Variants in FYB1 observed in about 807,000 individuals in gnomAD.
The protein encoded by FYB1 is FYN binding protein 1, also known as FYN-binding protein 1.
In FYB1, 41 loss-of-function variants were observed where a neutral mutation model predicts 94.1. The ratio of observed to expected loss-of-function variants is 0.44; its 90% CI spans 0.34 to 0.57. The LOEUF (loss-of-function observed/expected upper bound fraction) is 0.57. Ranked by LOEUF, FYB1 falls within the 20% of genes least tolerant of loss-of-function variation. The pLI, the probability that FYB1 is intolerant of heterozygous loss-of-function variation, is 0.02. For synonymous variants in FYB1, 367 were observed against 353.2 expected (o/e 1.04, Z -0.44); for missense variants, 1,050 against 976.8 (o/e 1.07, Z -1.00).
intron 1 of FYB1, among the ~76,000 whole-genome samples, chr5:39,205,154 G>T (rs1263397299): frequency 6.6e-6 from 1 of 152,166 alleles, no homozygotes; most frequent in Non-Finnish European, 1.5e-5. Flanking sequence ...AAGGAAGTCT[G>T]TCTCTGTGGA....
intron 1 of FYB1, among the ~76,000 whole-genome samples, chr5:39,225,754 C>A (rs553719501): frequency 1.3e-5 from 2 of 152,310 alleles, no homozygotes; most frequent in African/African-American, 4.8e-5. Flanking sequence ...GTCTTGAACA[C>A]TCCTCCTGAG....
rs1743466871 is a variant in FYB1 at position 39,153,675 on chromosome 5, T to C, written c.1136-71A>G. 22 of 1,440,844 alleles carry C rather than the reference T, an allele frequency of 1.5e-5. 1 individual carries two copies. The South Asian group carries it at 2.9e-4, about 19-fold the overall frequency. 89.3% of individuals were successfully genotyped at this position (1,440,844 alleles called of 1,614,324 possible). A position where few individuals can be genotyped will look rare whatever the true frequency, so the allele number is the denominator to read the frequency against. On this transcript the variant is annotated intron_variant, in intron 2 of 18. Coordinates refer to ENST00000512982, the MANE Select transcript of FYB1 (RefSeq NM_001465.6). ...AAAAGAAGATTGTTAATTGCAAACA[T>C]AGTTGGCTACAGATAAAATAATTTG...
intron 1 of FYB1, among the ~76,000 whole-genome samples, chr5:39,229,477 C>G (rs1023404459): frequency 5.3e-5 from 8 of 152,126 alleles, no homozygotes; most frequent in African/African-American, 1.9e-4. Context: ...AGTTGAAACT[C>G]TAAACTCCTT....
In FYB1 at chr5:39,159,611, T is replaced by C. The variant is rs138816594; in HGVS notation, c.1136-6007A>G. Among the ~76,000 whole-genome samples the C allele has an allele frequency of 1.1e-4, 17 of 152,344 alleles. No individual in the cohort carries two copies. The East Asian group carries it at 3.3e-3, about 29-fold the overall frequency. ...CTTACCTCTTATTTTACTAAGAACA[T>C]GGAGAATGCCCCATCTGACTATCTC... On this transcript the variant is annotated intron_variant, in intron 2 of 18. Transcript: ENST00000512982.
intron 1 of FYB1, among the ~76,000 whole-genome samples, chr5:39,241,900 C>A (rs1751227360): frequency 6.6e-6 from 1 of 151,188 alleles, no homozygotes; most frequent in Non-Finnish European, 1.5e-5. Flanking sequence ...ATTTAAGGTA[C>A]AAGTCTCTTG....
intron 1 of FYB1, among the ~76,000 whole-genome samples, chr5:39,226,069 G>A (rs567978770): frequency 1.3e-5 from 2 of 152,252 alleles, no homozygotes; most frequent in East Asian, 3.9e-4. Context: ...AACCACATAA[G>A]AGACATTTTC....
chr5:39,250,302 G>A (rs1172752010), intron 1 of FYB1, among the ~76,000 whole-genome samples: 10 of 152,142 alleles, frequency 6.6e-5, no homozygotes, highest in Non-Finnish European at 1.5e-4. Context: ...TGCCTTGTGT[G>A]TTACCAAAAT....
chr5:39,239,919 GGC>G (rs1300020093), intron 1 of FYB1, among the ~76,000 whole-genome samples: 1 of 152,096 alleles, frequency 6.6e-6, no homozygotes, highest in African/African-American at 2.4e-5. Flanking sequence ...TATACTATAA[GGC>G]TACAGTAACC....
intron 2 of FYB1, among the ~76,000 whole-genome samples, chr5:39,173,355 G>A (rs1399530318): frequency 6.6e-6 from 1 of 152,102 alleles, no homozygotes; most frequent in African/African-American, 2.4e-5. Flanking sequence ...TTTGTCAGAT[G>A]CATAGTTTCT....
At chr5:39,247,764 A>T (rs907391151) in intron 1 of FYB1, among the ~76,000 whole-genome samples, 1 of 151,386 alleles carries the variant, frequency 6.6e-6, no homozygotes, top group African/African-American at 2.4e-5. Context: ...CTTACAAAAC[A>T]TTTGTTGAGC....
At chr5:39,182,982 T>A (rs1442986580) in intron 2 of FYB1, among the ~76,000 whole-genome samples, 2 of 152,228 alleles carry the variant, frequency 1.3e-5, no homozygotes, top group South Asian at 2.1e-4. Flanking sequence ...ACAAAGTTTG[T>A]CTTCAAAAGT....
At chr5:39,194,989 G>A (rs945974459) in intron 2 of FYB1, among the ~76,000 whole-genome samples, 2 of 152,146 alleles carry the variant, frequency 1.3e-5, no homozygotes, top group Non-Finnish European at 2.9e-5. Flanking sequence ...CTGGGAGAAC[G>A]AGCGTGCAGG....
chr5:39,252,120 G>A (rs112552609), intron 1 of FYB1, among the ~76,000 whole-genome samples: 12 of 152,138 alleles, frequency 7.9e-5, no homozygotes, highest in African/African-American at 2.7e-4. Context: ...ACTCCAGCCT[G>A]AGCGACAGAG....
At chr5:39,170,165 A>G in intron 2 of FYB1, 1 of 775,198 alleles carries the variant, frequency 1.3e-6, no homozygotes, top group East Asian at 2.5e-5. Flanking sequence ...CAAGTCTGAT[A>G]TGTCAAATCT....
At chr5:39,120,850 C>T (rs1162945556) in intron 14 of FYB1, among the ~76,000 whole-genome samples, 2 of 151,966 alleles carry the variant, frequency 1.3e-5, no homozygotes, top group African/African-American at 2.4e-5. Context: ...TCTGCGTCTG[C>T]CCTCAGTACT....
intron 1 of FYB1, among the ~76,000 whole-genome samples, chr5:39,250,144 G>A (rs1254560069): frequency 1.3e-5 from 2 of 152,142 alleles, no homozygotes; most frequent in Admixed American, 6.5e-5. Context: ...GGAACTGTGA[G>A]TCAATTAAAC....
intron 1 of FYB1, among the ~76,000 whole-genome samples, chr5:39,244,788 T>C (rs1031634570): frequency 1.3e-5 from 2 of 152,208 alleles, no homozygotes; most frequent in Non-Finnish European, 2.9e-5. Flanking sequence ...TTTTGGTTGG[T>C]AGGCTATTAA....
chr5:39,188,586 C>T (rs1747065310), intron 2 of FYB1, among the ~76,000 whole-genome samples: 1 of 144,272 alleles, frequency 6.9e-6, no homozygotes, highest in Non-Finnish European at 1.5e-5. Context: ...CTCTTGTTGC[C>T]TAGGCTGGAG....
chr5:39,211,132 C>T (rs1431191877), intron 1 of FYB1: 1 of 152,118 alleles, frequency 6.6e-6, no homozygotes, highest in African/African-American at 2.4e-5. Flanking sequence ...CAGGAATTTA[C>T]ATTTTGACTA....
Sources: gnomAD v4.1 joint callset for allele counts (sites outside exome capture counted in the v4.1 genomes callset) on GRCh38, gnomAD v4.1.1 for gene constraint, MANE v1.5 for transcripts, NCBI Gene and HGNC (gene_info 2026-07-23, HGNC 2026-07-21) for gene names.